The following ARMC10 variants were observed in gnomAD, a reference collection of about 807,000 sequenced individuals.
The protein encoded by ARMC10 is armadillo repeat-containing protein 10.
In ARMC10, 23 loss-of-function variants were observed where a neutral mutation model predicts 30.2. That is an observed-to-expected ratio of 0.76 (90% CI 0.55 to 1.08). The LOEUF is 1.08. ARMC10 is among the 50% of genes least tolerant of loss of function. ARMC10 has a pLI of 0.00. For missense variants in ARMC10, 303 were observed against 413.7 expected (o/e 0.73, Z 2.32); for synonymous variants, 111 against 164.4 (o/e 0.68, Z 2.48).
intron 2 of ARMC10, chr7:103,083,037 A>C: frequency 2.2e-6 from 1 of 456,672 alleles, no homozygotes; most frequent in South Asian, 1.5e-5. Flanking sequence ...CTTAATGCAA[A>C]TCATATTTCC....
At chr7:103,093,408 G>C (rs1418900722) in intron 5 of ARMC10, among the ~76,000 whole-genome samples, 2 of 152,160 alleles carry the variant, frequency 1.3e-5, no homozygotes, top group African/African-American at 4.8e-5. Flanking sequence ...AGTTATTTTT[G>C]AGTTTATCAA....
intron 3 of ARMC10, among the ~76,000 whole-genome samples, chr7:103,085,570 T>G (rs1452285520): frequency 6.6e-6 from 1 of 151,834 alleles, no homozygotes; most frequent in Non-Finnish European, 1.5e-5. Context: ...CATCCCAGAT[T>G]ATTTTCCCTC....
intron 6 of ARMC10, among the ~76,000 whole-genome samples, chr7:103,097,612 A>G (rs1053108209): frequency 1.3e-5 from 2 of 152,178 alleles, no homozygotes; most frequent in South Asian, 4.1e-4. Flanking sequence ...TTTGGGTACA[A>G]TTGTGCCATC....
chr7:103,092,650 G>A lies in ARMC10; in HGVS notation c.702G>A (p.Thr234=), dbSNP rs778607651. Reference sequence around the variant, plus strand: ...TGTTACTTACTGGAAATGGAAACACGAAGGTATGAAGAGCTATTGTGTCAA... The same window carrying A: ...TGTTACTTACTGGAAATGGAAACACAAAGGTATGAAGAGCTATTGTGTCAA... The part of the protein sequence containing the change: ...FQVLLTGNGN[T]KVQVLKLLLN... Residue 234 remains threonine (T), a synonymous_variant, in exon 5 of 7, where the codon ACG becomes ACA. Coordinates refer to ENST00000323716, the MANE Select transcript of ARMC10 (RefSeq NM_031905.5). The A allele has an allele frequency of 3.8e-6, 6 of 1,562,174 alleles. No individual in the cohort carries two copies. Among genetic ancestry groups the A allele is most frequent in the South Asian group, 1.2e-5 (1 of 86,852 alleles).
chr7:103,092,330 C>CAAA (rs772073727), intron 4 of ARMC10, 147 bp from the exon 5 acceptor site: 5,333 of 231,186 alleles, frequency 0.023, 60 homozygotes, highest in African/African-American at 0.054. Flanking sequence ...GACTCCGTCT[C>CAAA]AAAAAAAAAA....
intron 3 of ARMC10, 142 bp from the exon 4 acceptor site, chr7:103,086,488 A>G (rs981251284): frequency 2.3e-6 from 2 of 863,784 alleles, no homozygotes; most frequent in South Asian, 1.9e-5. Context: ...TTTTTAAAAT[A>G]TGAATTAAAT....
chr7:103,098,666 T>G lies in ARMC10; in HGVS notation c.*113T>G. The G allele has an allele frequency of 6.8e-7, 1 of 1,476,202 alleles. No homozygotes were observed. Among genetic ancestry groups the G allele is most frequent in the Non-Finnish European group, 9.0e-7 (1 of 1,111,162 alleles). The allele number at this position is 1,476,202 out of a possible 1,614,324, so 91.4% of individuals were successfully genotyped here. On this transcript the variant is annotated 3_prime_UTR_variant, in exon 7 of 7. Transcript: ENST00000323716. ...TTTAAACAGTAAATATCACATTTTGTCATTAACACAGCTATAACTTGCCGT... is the reference window on the plus strand; with the variant it reads ...TTTAAACAGTAAATATCACATTTTGGCATTAACACAGCTATAACTTGCCGT...
intron 4 of ARMC10, 88 bp from the exon 5 acceptor site, chr7:103,092,389 T>G: frequency 1.3e-6 from 1 of 789,032 alleles, no homozygotes; most frequent in Non-Finnish European, 1.9e-6. Flanking sequence ...TCCTGAGCAG[T>G]AGCCCTACTC....
intron 2 of ARMC10, chr7:103,083,070 G>A (rs746674305): frequency 4.4e-6 from 2 of 456,726 alleles, no homozygotes; most frequent in Non-Finnish European, 4.4e-6. Flanking sequence ...TTATAGGTAA[G>A]TGTTCATTGG....
chr7:103,078,548 C>T (rs1233109635), intron 2 of ARMC10, among the ~76,000 whole-genome samples: 1 of 152,230 alleles, frequency 6.6e-6, no homozygotes, highest in African/African-American at 2.4e-5. Flanking sequence ...ATCAATTAAA[C>T]CTCTTTCCTT....
At chr7:103,088,815 G>T in intron 4 of ARMC10, 1 of 172,350 alleles carries the variant, frequency 5.8e-6, no homozygotes, top group South Asian at 1.5e-4. Flanking sequence ...GCAAATTGCT[G>T]AGATTCCTCC....
intron 2 of ARMC10, among the ~76,000 whole-genome samples, chr7:103,079,531 A>G (rs1230431557): frequency 6.6e-6 from 1 of 152,234 alleles, no homozygotes; most frequent in Admixed American, 6.5e-5. Context: ...CACAGCTACT[A>G]TTCAACGTTC....
chr7:103,076,070 C>T (rs760708609), intron 2 of ARMC10, among the ~76,000 whole-genome samples, 189 bp downstream of exon 2: 2 of 152,178 alleles, frequency 1.3e-5, no homozygotes, highest in Non-Finnish European at 2.9e-5. Flanking sequence ...AACTCCTGTC[C>T]ACAATTGTAG....
At chr7:103,081,038 G>A (rs1800334635) in intron 2 of ARMC10, among the ~76,000 whole-genome samples, 1 of 152,188 alleles carries the variant, frequency 6.6e-6, no homozygotes, top group Non-Finnish European at 1.5e-5. Context: ...TCAGCTATGT[G>A]TCCCATTAAT....
chr7:103,087,009 G>A, intron 4 of ARMC10: 1 of 1,099,922 alleles, frequency 9.1e-7, no homozygotes, highest in Non-Finnish European at 1.2e-6. Context: ...ATCAGGGACA[G>A]GCACTGGTGA....
intron 3 of ARMC10, among the ~76,000 whole-genome samples, chr7:103,086,161 G>T (rs1265444244): frequency 6.6e-6 from 1 of 151,972 alleles, no homozygotes; most frequent in Non-Finnish European, 1.5e-5. Flanking sequence ...TATTTTTATG[G>T]AACATCTCTT....
intron 5 of ARMC10, among the ~76,000 whole-genome samples, chr7:103,095,031 T>C (rs1801647324): frequency 6.6e-6 from 1 of 152,228 alleles, no homozygotes; most frequent in Admixed American, 6.5e-5. Context: ...AATTAGTATC[T>C]ACAACATGAT....
chr7:103,077,930 A>G (rs1232485843), intron 2 of ARMC10, among the ~76,000 whole-genome samples: 1 of 152,214 alleles, frequency 6.6e-6, no homozygotes, highest in Non-Finnish European at 1.5e-5. Context: ...TTATCATTGA[A>G]GAAGACTTGA....
intron 2 of ARMC10, among the ~76,000 whole-genome samples, chr7:103,080,958 A>G (rs754912200): frequency 5.9e-5 from 9 of 152,334 alleles, no homozygotes; most frequent in Admixed American, 1.3e-4. Flanking sequence ...AGGAGGAATA[A>G]TGGTTGAGAG....
Sources: allele counts gnomAD v4.1 joint callset (sites outside exome capture counted in the v4.1 genomes callset), GRCh38; gene constraint gnomAD v4.1.1; transcripts MANE v1.5; gene names NCBI Gene and HGNC (gene_info 2026-07-23, HGNC 2026-07-21).